MRPL48: variants seen among roughly 807,000 people sequenced by gnomAD.
MRPL48 encodes mitochondrial ribosomal protein L48, also known as large ribosomal subunit protein mL48.
In MRPL48, 16 loss-of-function variants were observed where a neutral mutation model predicts 32.9. That is an observed-to-expected ratio of 0.49 (90% CI 0.33 to 0.74). The LOEUF (loss-of-function observed/expected upper bound fraction) is 0.74, where lower values mean the gene tolerates loss of function less well. MRPL48 is among the 30% of genes least tolerant of loss of function. MRPL48 has a pLI of 0.02. For missense variants in MRPL48, 206 were observed against 245.3 expected (o/e 0.84, Z 1.07); for synonymous variants, 94 against 89.2 (o/e 1.05, Z -0.31).
chr11:73,846,309 T>G (rs1234810905), intron 5 of MRPL48, among the ~76,000 whole-genome samples: 1 of 151,898 alleles, frequency 6.6e-6, no homozygotes, highest in Non-Finnish European at 1.5e-5. Flanking sequence ...ATGTCAGAAT[T>G]TCCTTTCTTT....
intron 4 of MRPL48, among the ~76,000 whole-genome samples, chr11:73,828,688 A>C (rs891760759): frequency 1.1e-4 from 16 of 152,030 alleles, no homozygotes; most frequent in Non-Finnish European, 1.9e-4. Flanking sequence ...GGAATGGTTT[A>C]CTTTTTTGGA....
intron 3 of MRPL48, among the ~76,000 whole-genome samples, chr11:73,819,944 G>T (rs1947743915): frequency 6.6e-6 from 1 of 152,174 alleles, no homozygotes; most frequent in African/African-American, 2.4e-5. Flanking sequence ...TAAATGGTTA[G>T]ATTAATGAAA....
chr11:73,821,669 A>T (rs1565414654), intron 3 of MRPL48, among the ~76,000 whole-genome samples: 1 of 152,148 alleles, frequency 6.6e-6, no homozygotes, highest in Non-Finnish European at 1.5e-5. Context: ...TATCATAGAC[A>T]GCCCTTATCA....
intron 5 of MRPL48, among the ~76,000 whole-genome samples, chr11:73,854,533 C>T (rs1398530123): frequency 6.6e-6 from 1 of 152,148 alleles, no homozygotes; most frequent in Non-Finnish European, 1.5e-5. Context: ...GTGATCCGCC[C>T]GCCTTGGCCT....
chr11:73,797,341 A>T (rs1947274489), intron 1 of MRPL48, among the ~76,000 whole-genome samples: 1 of 152,224 alleles, frequency 6.6e-6, no homozygotes, highest in African/African-American at 2.4e-5. Context: ...GTTTAATGGC[A>T]GGGCTAAAAG....
chr11:73,860,081 C>A (rs918917378), intron 6 of MRPL48, 72 bp downstream of exon 6: 2 of 1,242,990 alleles, frequency 1.6e-6, no homozygotes, highest in Non-Finnish European at 2.3e-6. Context: ...TTTTCACTTT[C>A]TATTATGCTC....
chr11:73,857,412 G>A (rs1375347619), intron 5 of MRPL48, among the ~76,000 whole-genome samples: 10 of 149,966 alleles, frequency 6.7e-5, no homozygotes, highest in Admixed American at 1.3e-4. Flanking sequence ...GATTACAGGC[G>A]TGAGCCACTG....
intron 4 of MRPL48, among the ~76,000 whole-genome samples, chr11:73,833,821 T>G (rs1207519675): frequency 6.6e-6 from 1 of 152,130 alleles, no homozygotes; most frequent in African/African-American, 2.4e-5. Flanking sequence ...ACTACAGGTG[T>G]GTACGACTAC....
At chr11:73,815,665 C>T (rs777870092) in intron 3 of MRPL48, among the ~76,000 whole-genome samples, 1 of 151,748 alleles carries the variant, frequency 6.6e-6, no homozygotes, top group Non-Finnish European at 1.5e-5. Flanking sequence ...AAGTCTAGGA[C>T]TATTTTTTGT....
At chr11:73,809,880 G>T (rs1301473310) in intron 3 of MRPL48, among the ~76,000 whole-genome samples, 1 of 152,224 alleles carries the variant, frequency 6.6e-6, no homozygotes, top group African/African-American at 2.4e-5. Flanking sequence ...CTTTACATAT[G>T]TTAATTATTT....
intron 1 of MRPL48, among the ~76,000 whole-genome samples, chr11:73,793,154 C>T (rs1947183068): frequency 6.6e-6 from 1 of 152,178 alleles, no homozygotes; most frequent in Non-Finnish European, 1.5e-5. Context: ...CAACCTCTGC[C>T]TCCTGGGTTC....
chr11:73,835,362 G>A (rs1402725976), intron 4 of MRPL48, among the ~76,000 whole-genome samples: 1 of 150,958 alleles, frequency 6.6e-6, no homozygotes, highest in African/African-American at 2.4e-5. Flanking sequence ...GGATAGTCTC[G>A]ATCTCCTGAC....
At chr11:73,859,149 G>T (rs1760133065) in intron 5 of MRPL48, among the ~76,000 whole-genome samples, 1 of 152,200 alleles carries the variant, frequency 6.6e-6, no homozygotes, top group South Asian at 2.1e-4. Context: ...CAGTAGCACT[G>T]AGGTTGAGAA....
chr11:73,841,126 C>G (rs1226736809), intron 4 of MRPL48, among the ~76,000 whole-genome samples: 2 of 152,144 alleles, frequency 1.3e-5, no homozygotes, highest in African/African-American at 2.4e-5. Flanking sequence ...ACAAGAAAAC[C>G]TGACTATACT....
intron 4 of MRPL48, among the ~76,000 whole-genome samples, chr11:73,826,130 C>T (rs1372540773): frequency 4.6e-5 from 7 of 151,916 alleles, no homozygotes; most frequent in Non-Finnish European, 8.8e-5. Flanking sequence ...GATCCTCCCA[C>T]CTGAGCCTCC....
intron 5 of MRPL48, among the ~76,000 whole-genome samples, chr11:73,856,530 G>A (rs1044155553): frequency 6.6e-6 from 1 of 152,178 alleles, no homozygotes; most frequent in South Asian, 2.1e-4. Context: ...GCTGCCTGAG[G>A]AGATGGAAAT....
intron 6 of MRPL48, among the ~76,000 whole-genome samples, chr11:73,862,512 T>C (rs762282895): frequency 2.4e-4 from 36 of 152,260 alleles, no homozygotes; most frequent in Middle Eastern, 3.4e-3. Context: ...GGCAGGAGAA[T>C]TGCTTGAACC....
chr11:73,854,926 T>C (rs551733199), intron 5 of MRPL48, among the ~76,000 whole-genome samples: 14 of 152,174 alleles, frequency 9.2e-5, no homozygotes, highest in Non-Finnish European at 1.6e-4. Context: ...ATTCTTACTG[T>C]ATGACATTGG....
At chr11:73,793,985 A>G (rs7940132) in intron 1 of MRPL48, among the ~76,000 whole-genome samples, 76,866 of 150,462 alleles carry the variant, frequency 0.51, 20,844 homozygotes, top group African/African-American at 0.71. Flanking sequence ...GGGATTACAG[A>G]CGTGAGCCAC....
Sources: allele counts gnomAD v4.1 joint callset (sites outside exome capture counted in the v4.1 genomes callset), GRCh38; gene constraint gnomAD v4.1.1; transcripts MANE v1.5; gene names NCBI Gene and HGNC (gene_info 2026-07-23, HGNC 2026-07-21).